The following SLC9A9 variants were observed in gnomAD, a reference collection of about 807,000 sequenced individuals.
SLC9A9 encodes sodium/hydrogen exchanger 9.
In SLC9A9, 62 loss-of-function variants were observed where a neutral mutation model predicts 77.8. That is an observed-to-expected ratio of 0.80 (90% CI 0.65 to 0.98). The LOEUF (loss-of-function observed/expected upper bound fraction) is 0.98. Among genes scored for constraint, SLC9A9 ranks in the 50% least tolerant of loss-of-function variants. The pLI is 0.00. For synonymous variants in SLC9A9, 320 were observed against 283.5 expected (o/e 1.13, Z -1.29); for missense variants, 775 against 774.9 (o/e 1.00, Z 0.00).
intron 5 of SLC9A9, among the ~76,000 whole-genome samples, chr3:143,670,857 G>A (rs2039145076): frequency 1.3e-5 from 2 of 152,174 alleles, no homozygotes; most frequent in Admixed American, 1.3e-4. Context: ...TGACATAGCA[G>A]GCAATGAACA....
At chr3:143,363,986 T>A (rs1410712179) in intron 13 of SLC9A9, among the ~76,000 whole-genome samples, 1 of 152,206 alleles carries the variant, frequency 6.6e-6, no homozygotes, top group Non-Finnish European at 1.5e-5. Context: ...ATTCATTTTG[T>A]TTGATAGATT....
In SLC9A9 at chr3:143,708,434, A is replaced by G. The variant is rs183652618; in HGVS notation, c.534-15127T>C. Among the ~76,000 whole-genome samples the G allele has an allele frequency of 1.2e-3, 177 of 152,344 alleles. 1 individual carries two copies. Among genetic ancestry groups the G allele is most frequent in the Middle Eastern group, 3.4e-3 (1 of 294 alleles). On this transcript the variant is annotated intron_variant, in intron 4 of 15. Transcript: ENST00000316549. ...GGCCAGCCTGCACCACCATCCTGGG[A>G]TGTGTGAACACTGGAATGCTATGAG...
intron 4 of SLC9A9, among the ~76,000 whole-genome samples, chr3:143,771,804 A>G (rs1324985842): frequency 6.6e-6 from 1 of 152,204 alleles, no homozygotes; most frequent in Non-Finnish European, 1.5e-5. Flanking sequence ...ACCTGGAGGC[A>G]GGAAGCAGAG....
At chr3:143,556,399 T>C (rs1465903905) in intron 8 of SLC9A9, among the ~76,000 whole-genome samples, 1 of 152,220 alleles carries the variant, frequency 6.6e-6, no homozygotes, top group East Asian at 1.9e-4. Context: ...GCCAGTGCTG[T>C]TGGATCCTGC....
chr3:143,456,293 G>A (rs1050320470), intron 12 of SLC9A9, among the ~76,000 whole-genome samples: 1 of 152,058 alleles, frequency 6.6e-6, no homozygotes, highest in African/African-American at 2.4e-5. Flanking sequence ...TGCTGGACTT[G>A]ATATTCTAGT....
At chr3:143,717,738 C>T (rs1934391973) in intron 4 of SLC9A9, among the ~76,000 whole-genome samples, 1 of 152,082 alleles carries the variant, frequency 6.6e-6, no homozygotes, top group African/African-American at 2.4e-5. Flanking sequence ...AAGATGCACC[C>T]CATTTGTTGG....
intron 12 of SLC9A9, among the ~76,000 whole-genome samples, chr3:143,384,922 C>T (rs184710053): frequency 5.1e-4 from 77 of 152,336 alleles, no homozygotes; most frequent in African/African-American, 1.6e-3. Context: ...ACAATGCCTT[C>T]TTTCACTTGT....
Position 143,754,488 on chromosome 3 carries a change from T to C in SLC9A9, c.533+40513A>G, listed in dbSNP as rs114457150. On this transcript the variant is annotated intron_variant, in intron 4 of 15. Coordinates refer to ENST00000316549, the MANE Select transcript of SLC9A9 (RefSeq NM_173653.4). Reference sequence around the variant, plus strand: ...TGTGAAAGGTTTCAGAGATTATTTATGAAAAGCATCTGCAGACAATAATTG... The same window carrying C: ...TGTGAAAGGTTTCAGAGATTATTTACGAAAAGCATCTGCAGACAATAATTG... Among the ~76,000 whole-genome samples, 501 of 152,330 alleles carry C rather than the reference T, an allele frequency of 3.3e-3. 5 individuals are homozygous for C. Among genetic ancestry groups the C allele is most frequent in the African/African-American group, 0.011 (470 of 41,578 alleles).
intron 9 of SLC9A9, among the ~76,000 whole-genome samples, chr3:143,512,123 A>G (rs1356030980): frequency 1.3e-5 from 2 of 152,262 alleles, no homozygotes; most frequent in Non-Finnish European, 1.5e-5. Context: ...AGAACTTAGC[A>G]TATCATAATG....
chr3:143,413,409 T>G lies in SLC9A9; in HGVS notation c.1470-31295A>C, dbSNP rs111324010. ...TGGGGGTTGCCGTTTCAAAGGTGGCTCATTATACTAAAACAAGACTCACCC... is the reference window on the plus strand; with the variant it reads ...TGGGGGTTGCCGTTTCAAAGGTGGCGCATTATACTAAAACAAGACTCACCC... On this transcript the variant is annotated intron_variant, in intron 12 of 15. Coordinates refer to ENST00000316549, the MANE Select transcript of SLC9A9 (RefSeq NM_173653.4). Among the ~76,000 whole-genome samples, 3 of 152,060 alleles carry G rather than the reference T, an allele frequency of 2.0e-5. No individual in the cohort carries two copies. In the East Asian group the frequency reaches 5.8e-4, roughly 29 times the overall value.
At chr3:143,727,116 G>A (rs1281269295) in intron 4 of SLC9A9, among the ~76,000 whole-genome samples, 2 of 152,080 alleles carry the variant, frequency 1.3e-5, no homozygotes, top group Non-Finnish European at 2.9e-5. Flanking sequence ...GACAAAAAGA[G>A]AACAAACTTA....
intron 14 of SLC9A9, among the ~76,000 whole-genome samples, chr3:143,302,744 G>A (rs775434515): frequency 1.4e-4 from 21 of 152,338 alleles, no homozygotes; most frequent in Admixed American, 7.2e-4. Context: ...GAATGACTGC[G>A]TTTGACGAGG....
At chr3:143,782,158 C>T (rs1475483678) in intron 4 of SLC9A9, among the ~76,000 whole-genome samples, 1 of 152,188 alleles carries the variant, frequency 6.6e-6, no homozygotes, top group Non-Finnish European at 1.5e-5. Flanking sequence ...ATGAATTATA[C>T]AATTAATTCA....
intron 9 of SLC9A9, among the ~76,000 whole-genome samples, chr3:143,510,851 G>A (rs951812413): frequency 4.6e-5 from 7 of 151,948 alleles, no homozygotes; most frequent in African/African-American, 1.5e-4. Context: ...ATACACACTG[G>A]AATATCCCCT....
At chr3:143,724,790 C>G (rs765283462) in intron 4 of SLC9A9, among the ~76,000 whole-genome samples, 1 of 152,118 alleles carries the variant, frequency 6.6e-6, no homozygotes, top group Non-Finnish European at 1.5e-5. Flanking sequence ...AGACATTTTA[C>G]CTACCACAGA....
chr3:143,518,284 C>G lies in SLC9A9; in HGVS notation c.1090-22836G>C, dbSNP rs566767099. On this transcript the variant is annotated intron_variant, in intron 9 of 15. Transcript: ENST00000316549. The stretch of plus-strand genomic sequence containing the variant: ...GCTGCAGCCCGGTTCCAGGCCCAGG[C>G]GCTGGCTCAGCGTGACCACGCAGAA... The G allele has an allele frequency of 1.1e-4, 150 of 1,308,822 alleles. 1 individual carries two copies. The South Asian group carries it at 1.7e-3, about 15-fold the overall frequency. 81.1% of individuals were successfully genotyped at this position (1,308,822 alleles called of 1,614,324 possible).
intron 4 of SLC9A9, among the ~76,000 whole-genome samples, chr3:143,787,731 G>A (rs994366186): frequency 6.6e-6 from 1 of 152,028 alleles, no homozygotes; most frequent in African/African-American, 2.4e-5. Flanking sequence ...ATTGTGAAGT[G>A]TTGCTACAAA....
At chr3:143,635,732 T>C (rs2108731874) in intron 6 of SLC9A9, among the ~76,000 whole-genome samples, 1 of 152,348 alleles carries the variant, frequency 6.6e-6, no homozygotes, top group Non-Finnish European at 1.5e-5. Flanking sequence ...AACTGTGCTC[T>C]AAACAGCAGA....
At position 143,490,429 on chromosome 3, in the gene SLC9A9, C is replaced by A. The variant is rs945546464; in HGVS notation, c.1315+3224G>T. 3.9e-5 allele frequency among the ~76,000 whole-genome samples: 6 copies of A among 152,112 alleles called. No homozygotes were observed. In the South Asian group the frequency reaches 6.2e-4, roughly 16 times the overall value. ...GTGAAATAAACCAATCACAAAAAGA[C>A]AAATACTATATGATTCCACTTATAT... On this transcript the variant is annotated intron_variant, in intron 11 of 15. Coordinates refer to ENST00000316549, the MANE Select transcript of SLC9A9 (RefSeq NM_173653.4).
Sources: gnomAD v4.1 joint callset for allele counts (sites outside exome capture counted in the v4.1 genomes callset) on GRCh38, gnomAD v4.1.1 for gene constraint, MANE v1.5 for transcripts, NCBI Gene and HGNC (gene_info 2026-07-23, HGNC 2026-07-21) for gene names.